Variants in LCLAT1 observed in about 807,000 individuals in gnomAD.
LCLAT1 encodes 1-AGP acyltransferase 8.
LCLAT1 carries 11 observed loss-of-function variants against 30.7 expected under a neutral mutation model. The observed-to-expected ratio is 0.36, with a 90% CI of 0.23 to 0.59. The LOEUF is 0.59. Among genes scored for constraint, LCLAT1 ranks in the 20% least tolerant of loss-of-function variants. The pLI is 0.77. For missense variants in LCLAT1, 402 were observed against 458.6 expected (o/e 0.88, Z 1.13); for synonymous variants, 155 against 151.3 (o/e 1.02, Z -0.18).
At chr2:30,503,881 C>T (rs1684520481) in intron 1 of LCLAT1, among the ~76,000 whole-genome samples, 2 of 152,200 alleles carry the variant, frequency 1.3e-5, no homozygotes, top group South Asian at 4.1e-4. Context: ...TCCCTCAAGA[C>T]TCAGGCCTTG....
chr2:30,525,093 G>T (rs1425334469), intron 1 of LCLAT1, among the ~76,000 whole-genome samples: 1 of 151,690 alleles, frequency 6.6e-6, no homozygotes, highest in Non-Finnish European at 1.5e-5. Context: ...TCAGATATTT[G>T]CTCTGTTGAG....
At chr2:30,453,522 CTGAT>C (rs1430555775) in intron 1 of LCLAT1, among the ~76,000 whole-genome samples, 1 of 152,150 alleles carries the variant, frequency 6.6e-6, no homozygotes, top group African/African-American at 2.4e-5. Flanking sequence ...AGGGAGGAAA[CTGAT>C]TGAAAGTTGG....
At chr2:30,640,006 G>C (rs1320395558) in intron 5 of LCLAT1, 111 bp from the exon 6 acceptor site, 1 of 781,338 alleles carries the variant, frequency 1.3e-6, no homozygotes, top group African/African-American at 1.7e-5. Context: ...GTTCATTGTG[G>C]TTCACACTGT....
intron 1 of LCLAT1, among the ~76,000 whole-genome samples, chr2:30,515,489 C>T (rs551982968): frequency 6.7e-4 from 102 of 152,318 alleles, no homozygotes; most frequent in African/African-American, 2.2e-3. Flanking sequence ...TCCTCCCACA[C>T]TGTCATATGT....
chr2:30,521,489 CTTCTTTTTTTTTTTTTT>C lies in LCLAT1; in HGVS notation c.-4-4095_-4-4079del, dbSNP rs1460052012. On this transcript the variant is annotated intron_variant, in intron 1 of 5. Transcript: ENST00000379509. ...GTTTCCTCAACCCCCTAAACTACTT[CTTCTTTTTTTTTTTTTT>C]TTTTTTTTTTTTTTTTTTTTGAGAG... 1.3e-3 allele frequency among the ~76,000 whole-genome samples: 71 copies of C among 55,568 alleles called. 2 individuals are homozygous for C. Among genetic ancestry groups the C allele is most frequent in the African/African-American group, 4.1e-3 (50 of 12,264 alleles). The allele number at this position is 55,568 out of a possible 152,430, so 36.5% of individuals were successfully genotyped here. A position where few individuals can be genotyped will look rare whatever the true frequency, so the allele number is the denominator to read the frequency against.
chr2:30,572,077 C>T (rs1665803635), intron 5 of LCLAT1, among the ~76,000 whole-genome samples: 1 of 152,154 alleles, frequency 6.6e-6, no homozygotes, highest in Non-Finnish European at 1.5e-5. Context: ...TGTCAGAGAC[C>T]TTTGATGTCT....
At chr2:30,539,248 C>CTTTTTT (rs72012748) in intron 3 of LCLAT1, among the ~76,000 whole-genome samples, 13 of 90,862 alleles carry the variant, frequency 1.4e-4, no homozygotes, top group African/African-American at 4.8e-4. Flanking sequence ...CGCGCCAGGC[C>CTTTTTT]TTTTTTTTTT....
chr2:30,642,876 C>A lies in LCLAT1; in HGVS notation c.*2257C>A, dbSNP rs1669391816. On this transcript the variant is annotated 3_prime_UTR_variant, in exon 6 of 6. Transcript: ENST00000379509. The stretch of plus-strand genomic sequence containing the variant: ...GACAGTAACTCCAAAAATAATTGTC[C>A]TTTTTTCTTTCTTTCTTTTTTTACA... The A allele has an allele frequency of 3.0e-5, 1 of 33,780 alleles. No individual in the cohort carries two copies. Among genetic ancestry groups the A allele is most frequent in the Non-Finnish European group, 5.0e-5 (1 of 20,200 alleles). 2.1% of individuals were successfully genotyped at this position (33,780 alleles called of 1,614,324 possible). A position where few individuals can be genotyped will look rare whatever the true frequency, so the allele number is the denominator to read the frequency against.
chr2:30,520,490 C>T (rs1057372083), intron 1 of LCLAT1, among the ~76,000 whole-genome samples: 1 of 152,132 alleles, frequency 6.6e-6, no homozygotes, highest in Non-Finnish European at 1.5e-5. Flanking sequence ...ACCAAGTTAC[C>T]TGGCTTAAAG....
At chr2:30,514,275 T>G (rs1285385355) in intron 1 of LCLAT1, among the ~76,000 whole-genome samples, 1 of 152,224 alleles carries the variant, frequency 6.6e-6, no homozygotes, top group Non-Finnish European at 1.5e-5. Context: ...ACAAGGTCCT[T>G]TTGAACCTTC....
intron 1 of LCLAT1, among the ~76,000 whole-genome samples, chr2:30,522,336 T>C (rs1473935815): frequency 6.6e-6 from 1 of 152,228 alleles, no homozygotes; most frequent in Non-Finnish European, 1.5e-5. Flanking sequence ...TTGCTGCATA[T>C]CCTTGTCAGC....
intron 3 of LCLAT1, among the ~76,000 whole-genome samples, chr2:30,539,634 AT>A (rs1166278982): frequency 6.6e-6 from 1 of 152,206 alleles, no homozygotes; most frequent in Admixed American, 6.5e-5. Flanking sequence ...TCCACTAATC[AT>A]TTTAAGGAAT....
At chr2:30,526,939 T>C (rs1375051265) in intron 2 of LCLAT1, among the ~76,000 whole-genome samples, 2 of 152,194 alleles carry the variant, frequency 1.3e-5, no homozygotes, top group Non-Finnish European at 1.5e-5. Flanking sequence ...TTTAAAGATA[T>C]GAAGCCCAGT....
intron 5 of LCLAT1, among the ~76,000 whole-genome samples, chr2:30,601,472 C>T (rs78850926): frequency 0.033 from 5,076 of 152,158 alleles, 293 homozygotes; most frequent in African/African-American, 0.12. Context: ...GGTAAAACAA[C>T]GAAGCAGAAC....
intron 1 of LCLAT1, among the ~76,000 whole-genome samples, chr2:30,515,043 C>G (rs78364906): frequency 6.6e-6 from 1 of 151,956 alleles, no homozygotes; most frequent in Non-Finnish European, 1.5e-5. Context: ...CCCGCTCCCC[C>G]ACTGCCCCCA....
chr2:30,544,022 A>G (rs188056811), intron 3 of LCLAT1, among the ~76,000 whole-genome samples: 1 of 152,254 alleles, frequency 6.6e-6, no homozygotes, highest in East Asian at 1.9e-4. Context: ...CTTTTTTAAC[A>G]CAGGTGTTTA....
At chr2:30,588,162 A>T (rs1666524659) in intron 5 of LCLAT1, among the ~76,000 whole-genome samples, 1 of 152,260 alleles carries the variant, frequency 6.6e-6, no homozygotes, top group South Asian at 2.1e-4. Flanking sequence ...TGCCTAGGGC[A>T]TGGCTCTGTG....
At chr2:30,602,820 C>T (rs1412784909) in intron 5 of LCLAT1, among the ~76,000 whole-genome samples, 1 of 152,138 alleles carries the variant, frequency 6.6e-6, no homozygotes, top group East Asian at 1.9e-4. Flanking sequence ...TCAGTATTAG[C>T]TCAGCCCTGG....
chr2:30,586,517 C>T (rs1182149758), intron 5 of LCLAT1, among the ~76,000 whole-genome samples: 1 of 152,162 alleles, frequency 6.6e-6, no homozygotes, highest in Non-Finnish European at 1.5e-5. Context: ...CACCATAATC[C>T]ACTATAACAT....
Sources: gnomAD v4.1 joint callset for allele counts (sites outside exome capture counted in the v4.1 genomes callset) on GRCh38, gnomAD v4.1.1 for gene constraint, MANE v1.5 for transcripts, NCBI Gene and HGNC (gene_info 2026-07-23, HGNC 2026-07-21) for gene names.